The following EBF2 variants were observed in gnomAD, a reference collection of about 807,000 sequenced individuals.
EBF2 encodes the protein EBF transcription factor 2, also known as transcription factor COE2.
A neutral mutation model predicts 72.8 loss-of-function variants in EBF2; 21 were observed. The ratio of observed to expected loss-of-function variants is 0.29; its 90% confidence interval spans 0.20 to 0.42. The LOEUF (loss-of-function observed/expected upper bound fraction) is 0.42. Among genes scored for constraint, EBF2 ranks in the 10% least tolerant of loss-of-function variants. The pLI is 1.00. For missense variants in EBF2, 637 were observed against 731.2 expected, an observed-to-expected ratio of 0.87 and a Z score of 1.49; for synonymous variants, 299 against 274.2, an observed-to-expected ratio of 1.09 and a Z score of -0.89.
intron 15 of EBF2, among the ~76,000 whole-genome samples, chr8:25,847,031 C>T (rs1175580611): frequency 6.6e-6 from 1 of 152,180 alleles, no homozygotes; most frequent in Non-Finnish European, 1.5e-5. Flanking sequence ...TGCCAGAGCA[C>T]AAGCTCTGGA....
chr8:25,967,192 T>C (rs1003192017), intron 6 of EBF2, among the ~76,000 whole-genome samples: 1 of 152,222 alleles, frequency 6.6e-6, no homozygotes, highest in Non-Finnish European at 1.5e-5. Context: ...AAGGAAAAGA[T>C]GAAATGTGTT....
Position 25,908,455 on chromosome 8 carries a change from G to T in EBF2, c.633+19C>A, listed in dbSNP as rs1251563372. 6 of 1,578,178 alleles carry T rather than the reference G, an allele frequency of 3.8e-6. No homozygotes were observed. The Admixed American group carries it at 5.2e-5, about 14-fold the overall frequency. ...ACAGGATGACTTATTTAACAGGAAA[G>T]ATCTGCAGGGCCCCTTACCTGAAAC... On this transcript the variant is annotated intron_variant, in intron 7 of 15. Transcript: ENST00000520164.
intron 6 of EBF2, among the ~76,000 whole-genome samples, chr8:25,955,201 G>C (rs938730125): frequency 7.2e-5 from 11 of 152,232 alleles, no homozygotes; most frequent in African/African-American, 2.7e-4. Flanking sequence ...CCTTGGGGAC[G>C]GGGCTTCCCT....
intron 6 of EBF2, among the ~76,000 whole-genome samples, chr8:25,919,814 C>A (rs1803279434): frequency 6.6e-6 from 1 of 152,158 alleles, no homozygotes; most frequent in Non-Finnish European, 1.5e-5. Flanking sequence ...GGAAGGAGAA[C>A]CCAGCAACCT....
intron 5 of EBF2, among the ~76,000 whole-genome samples, chr8:26,039,133 C>A (rs571663813): frequency 6.6e-6 from 1 of 152,100 alleles, no homozygotes; most frequent in Admixed American, 6.5e-5. Context: ...CGGTGGGATC[C>A]CCAGCACCCA....
chr8:26,007,491 T>A lies in EBF2; in HGVS notation c.551+25594A>T, dbSNP rs150941236. Among the ~76,000 whole-genome samples, 48 of 152,062 alleles carry A rather than the reference T, an allele frequency of 3.2e-4. 1 individual carries two copies. The East Asian group carries it at 7.7e-3, about 25-fold the overall frequency. ...TTTTTTTTAATCATCTAATCCAGGGTCCATATGTAAAACAAACAAACAGCT... is the reference window on the plus strand; with the variant it reads ...TTTTTTTTAATCATCTAATCCAGGGACCATATGTAAAACAAACAAACAGCT... On this transcript the variant is annotated intron_variant, in intron 6 of 15. Coordinates refer to ENST00000520164, the MANE Select transcript of EBF2 (RefSeq NM_022659.4).
At chr8:25,925,549 C>A (rs947061972) in intron 6 of EBF2, among the ~76,000 whole-genome samples, 1 of 152,328 alleles carries the variant, frequency 6.6e-6, no homozygotes, top group South Asian at 2.1e-4. Flanking sequence ...AACCCACCAT[C>A]ACATTACTTC....
At chr8:26,023,423 G>T (rs1191197109) in intron 6 of EBF2, among the ~76,000 whole-genome samples, 1 of 152,156 alleles carries the variant, frequency 6.6e-6, no homozygotes, top group Non-Finnish European at 1.5e-5. Flanking sequence ...GGAAGAAGCT[G>T]GAAGTTGAAG....
chr8:25,934,268 CA>C (rs1235731842), intron 6 of EBF2, among the ~76,000 whole-genome samples: 3 of 142,176 alleles, frequency 2.1e-5, no homozygotes, highest in South Asian at 2.3e-4. Context: ...CACACACACA[CA>C]CACACACCAA....
chr8:25,919,989 A>G (rs1488026577), intron 6 of EBF2, among the ~76,000 whole-genome samples: 1 of 152,224 alleles, frequency 6.6e-6, no homozygotes, highest in Non-Finnish European at 1.5e-5. Context: ...TAGCTTTTGC[A>G]TCAGTACCCA....
intron 6 of EBF2, among the ~76,000 whole-genome samples, chr8:25,913,067 C>T (rs575897220): frequency 1.3e-5 from 2 of 152,268 alleles, no homozygotes; most frequent in East Asian, 3.9e-4. Context: ...AATATTTCTC[C>T]AGGATTTATG....
intron 14 of EBF2, 153 bp downstream of exon 14, chr8:25,858,166 G>T: frequency 1.0e-6 from 1 of 984,288 alleles, no homozygotes; most frequent in East Asian, 2.6e-5. Flanking sequence ...TAAGGGAAAA[G>T]AACGAAAGGC....
chr8:25,867,649 CACATGCAGCT>C (rs1802357705), intron 10 of EBF2, among the ~76,000 whole-genome samples: 1 of 152,180 alleles, frequency 6.6e-6, no homozygotes, highest in African/African-American at 2.4e-5. Flanking sequence ...CCATGATTTC[CACATGCAGCT>C]ACATGCTAAT....
chr8:26,044,869 C>T lies in EBF2; in HGVS notation c.-10G>A. 1.9e-6 allele frequency: 3 copies of T among 1,613,826 alleles called. No homozygotes were observed. Among genetic ancestry groups the T allele is most frequent in the Non-Finnish European group, 2.5e-6 (3 of 1,179,872 alleles). On this transcript the variant is annotated 5_prime_UTR_variant, in exon 1 of 16. Transcript: ENST00000520164. This position sits in a 1 kb window ranked among gnomAD's most constrained non-coding sequence, Gnocchi z 4.1. ...CTTGAATTCCAAACATTTAAAAAGT[C>T]TGATCCTCTACTGTCGCTTTAAAAG... is the stretch of plus-strand genomic sequence containing the variant.
chr8:25,966,440 C>G (rs1032114079), intron 6 of EBF2, among the ~76,000 whole-genome samples: 2 of 152,180 alleles, frequency 1.3e-5, no homozygotes, highest in Non-Finnish European at 2.9e-5. Flanking sequence ...GGACTCTACC[C>G]TCATCCACAC....
chr8:25,889,985 G>T lies in EBF2; in HGVS notation c.634-116C>A, dbSNP rs1802751804. 6 of 826,028 alleles carry T rather than the reference G, an allele frequency of 7.3e-6. No homozygotes were observed. In the South Asian group the frequency reaches 8.3e-5, roughly 11 times the overall value. The allele number at this position is 826,028 out of a possible 1,614,324, so 51.2% of individuals were successfully genotyped here. A position where few individuals can be genotyped will look rare whatever the true frequency, so the allele number is the denominator to read the frequency against. ...CTTCCATTTGGCAAAGGGGAGATGGGACAGAACTTGGGACTCAACAGAGTT... is the reference window on the plus strand; with the variant it reads ...CTTCCATTTGGCAAAGGGGAGATGGTACAGAACTTGGGACTCAACAGAGTT... On this transcript the variant is annotated intron_variant, in intron 7 of 15. Coordinates refer to ENST00000520164, the MANE Select transcript of EBF2 (RefSeq NM_022659.4).
intron 6 of EBF2, chr8:26,031,419 T>A (rs1017777573): frequency 7.7e-6 from 1 of 129,350 alleles, no homozygotes; most frequent in African/African-American, 2.9e-5. Flanking sequence ...TTCCTTTTTT[T>A]CTTTTTCTTT....
chr8:26,044,747 G>T lies in EBF2; in HGVS notation c.113C>A (p.Ala38Asp). The T allele has an allele frequency of 6.2e-7, 1 of 1,614,104 alleles. No homozygotes were observed. Among genetic ancestry groups the T allele is most frequent in the Non-Finnish European group, 8.5e-7 (1 of 1,180,008 alleles). The change falls in exon 1 of 16, where the codon GCT becomes GAT. Residue 38 changes from alanine to aspartate, a missense_variant. Ala to Asp is a moderately radical substitution (Grantham distance 126, BLOSUM62 -2). Coordinates refer to ENST00000520164, the MANE Select transcript of EBF2 (RefSeq NM_022659.4). This position sits in a 1 kb window ranked among gnomAD's most constrained non-coding sequence, Gnocchi z 4.1. ...SWVRNVGVVD[A>D]NVAAQSGVAL... ...TCGTTACCTCTGCGCGGCGACATTAGCGTCCACCACTCCGACATTCCGGAC... is the reference window on the plus strand; with the variant it reads ...TCGTTACCTCTGCGCGGCGACATTATCGTCCACCACTCCGACATTCCGGAC...
chr8:25,892,656 A>G (rs1802804752), intron 7 of EBF2, among the ~76,000 whole-genome samples: 1 of 152,214 alleles, frequency 6.6e-6, no homozygotes, highest in African/African-American at 2.4e-5. Context: ...CCTAAAACCC[A>G]TGAGTCCACA....
Sources: gnomAD v4.1 joint callset for allele counts (sites outside exome capture counted in the v4.1 genomes callset) on GRCh38, gnomAD v4.1.1 for gene constraint, Gnocchi (gnomAD v3.1) non-coding constraint, MANE v1.5 for transcripts, NCBI Gene and HGNC (gene_info 2026-07-23, HGNC 2026-07-21) for gene names.